Variants in LMX1B observed in about 807,000 individuals in gnomAD.
LMX1B encodes the protein LIM homeobox transcription factor 1 beta, also known as LIM homeobox transcription factor 1-beta.
Under a neutral mutation model 51.4 loss-of-function variants are expected in LMX1B, and 12 were observed. The observed-to-expected ratio is 0.23, with a 90% CI of 0.15 to 0.38. The LOEUF (loss-of-function observed/expected upper bound fraction) is 0.38. Among genes scored for constraint, LMX1B ranks in the 10% least tolerant of loss-of-function variants. The probability of loss-of-function intolerance (pLI) is 1.00; values close to 1 mark genes in which losing one functional copy is unlikely to be tolerated. For missense variants in LMX1B, 445 were observed against 571.1 expected, an observed-to-expected ratio of 0.78 and a Z score of 2.25; for synonymous variants, 237 against 235.4, an observed-to-expected ratio of 1.01 and a Z score of -0.06.
chr9:126,667,045 A>T (rs541330292), intron 2 of LMX1B, among the ~76,000 whole-genome samples: 1 of 152,266 alleles, frequency 6.6e-6, no homozygotes, highest in East Asian at 1.9e-4. Flanking sequence ...GCTCATTGTA[A>T]AATAAATTCA....
chr9:126,667,079 T>C (rs1417585213), intron 2 of LMX1B, among the ~76,000 whole-genome samples: 13 of 152,222 alleles, frequency 8.5e-5, no homozygotes, highest in Non-Finnish European at 1.8e-4. Context: ...TCAAACAAAA[T>C]GGGACAGTAT....
At chr9:126,621,176 C>T (rs369788384) in intron 2 of LMX1B, among the ~76,000 whole-genome samples, 2 of 152,200 alleles carry the variant, frequency 1.3e-5, no homozygotes, top group East Asian at 1.9e-4. Flanking sequence ...ATACTCTCAC[C>T]GACATGAGTT....
intron 2 of LMX1B, among the ~76,000 whole-genome samples, chr9:126,652,368 A>G (rs1033632411): frequency 6.6e-6 from 1 of 152,166 alleles, no homozygotes; most frequent in African/African-American, 2.4e-5. Flanking sequence ...TCCCGTTCAA[A>G]GGCAGTCTCC....
At chr9:126,622,101 G>T (rs1650055108) in intron 2 of LMX1B, among the ~76,000 whole-genome samples, 1 of 152,188 alleles carries the variant, frequency 6.6e-6, no homozygotes, top group Non-Finnish European at 1.5e-5. Context: ...GGAGGATGAG[G>T]GGCTGGGGAT....
At position 126,615,319 on chromosome 9, in the gene LMX1B, G is replaced by T. The variant is rs1362534173; in HGVS notation, c.140-64G>T. On this transcript the variant is annotated intron_variant, in intron 1 of 7. Coordinates refer to ENST00000373474, the MANE Select transcript of LMX1B (RefSeq NM_001174147.2). This position sits in a 1 kb window ranked among gnomAD's most constrained non-coding sequence, Gnocchi z 6.0. ...GGGCCGAGGGCTGTGGGCCCGGTGC[G>T]ACCGGGACGCCGGGGCTGGGCCGGG... is the stretch of plus-strand genomic sequence containing the variant. The T allele has an allele frequency of 7.5e-7, 1 of 1,337,740 alleles. No individual in the cohort carries two copies. Among genetic ancestry groups the T allele is most frequent in the South Asian group, 1.6e-5 (1 of 61,838 alleles). 82.9% of individuals were successfully genotyped at this position (1,337,740 alleles called of 1,614,324 possible).
chr9:126,679,179 C>T (rs1486261709), intron 2 of LMX1B, among the ~76,000 whole-genome samples: 1 of 152,212 alleles, frequency 6.6e-6, no homozygotes, highest in Admixed American at 6.5e-5. Flanking sequence ...CTAGTGCCTA[C>T]AGAATAGACA....
At position 126,641,565 on chromosome 9, in the gene LMX1B, A is replaced by T. The variant is rs992229002; in HGVS notation, c.326+25996A>T. On this transcript the variant is annotated intron_variant, in intron 2 of 7. Coordinates refer to ENST00000373474, the MANE Select transcript of LMX1B (RefSeq NM_001174147.2). The surrounding 1 kb of genome is among the most constrained non-coding windows in gnomAD (Gnocchi z 4.1). ...CTGGGCTGGGCTGGGTTAGGCGACC[A>T]CCCCCACCCAGCTGGGTTCCTCCCT... Among the ~76,000 whole-genome samples, 1 of 151,696 alleles carries T rather than the reference A, an allele frequency of 6.6e-6. No homozygotes were observed. Among genetic ancestry groups the T allele is most frequent in the Admixed American group, 6.6e-5 (1 of 15,244 alleles).
At chr9:126,657,691 A>G (rs1305626962) in intron 2 of LMX1B, among the ~76,000 whole-genome samples, 2 of 152,244 alleles carry the variant, frequency 1.3e-5, no homozygotes, top group Admixed American at 6.5e-5. Flanking sequence ...ATCTTGATGC[A>G]TCCATTCATT....
intron 2 of LMX1B, among the ~76,000 whole-genome samples, chr9:126,653,860 G>T (rs1174975789): frequency 6.6e-6 from 1 of 152,020 alleles, no homozygotes; most frequent in East Asian, 1.9e-4. Flanking sequence ...CGTTGTCTTG[G>T]TATCTCTCAT....
At chr9:126,646,309 CACCTACCTATCCATCCATCT>C (rs2118892377) in intron 2 of LMX1B, among the ~76,000 whole-genome samples, 1 of 151,972 alleles carries the variant, frequency 6.6e-6, no homozygotes, top group South Asian at 2.1e-4. Flanking sequence ...CTCATCCAGC[CACCTACCTATCCATCCATCT>C]ACCTACCCAT....
In LMX1B at chr9:126,653,142, C is replaced by CTTT. The variant is rs5900715; in HGVS notation, c.326+37599_326+37601dup. Among the ~76,000 whole-genome samples the CTTT allele has an allele frequency of 6.9e-4, 38 of 55,398 alleles. 3 individuals are homozygous for CTTT. Among genetic ancestry groups the CTTT allele is most frequent in the African/African-American group, 1.9e-3 (27 of 13,864 alleles). The allele number at this position is 55,398 out of a possible 152,430, so 36.3% of individuals were successfully genotyped here. A position where few individuals can be genotyped will look rare whatever the true frequency, so the allele number is the denominator to read the frequency against. Reference sequence around the variant, plus strand: ...TGTTTTGTTTTGTTTCAAGTAGATGCTTTTTTTTTTTTTTTTTTTTTTTTT... The same window carrying CTTT: ...TGTTTTGTTTTGTTTCAAGTAGATGCTTTTTTTTTTTTTTTTTTTTTTTTTTTT... On this transcript the variant is annotated intron_variant, in intron 2 of 7. Transcript: ENST00000373474.
chr9:126,616,842 A>G (rs1835311698), intron 2 of LMX1B, among the ~76,000 whole-genome samples: 5 of 152,224 alleles, frequency 3.3e-5, no homozygotes, highest in Admixed American at 3.3e-4. Context: ...TTCTACCCCA[A>G]AAGGCTCTGG....
At chr9:126,647,705 T>C (rs1831546754) in intron 2 of LMX1B, among the ~76,000 whole-genome samples, 1 of 152,254 alleles carries the variant, frequency 6.6e-6, no homozygotes, top group Non-Finnish European at 1.5e-5. Flanking sequence ...TGATGGCTCC[T>C]GCACAGGGCA....
At chr9:126,662,618 T>C (rs890979645) in intron 2 of LMX1B, among the ~76,000 whole-genome samples, 8 of 152,058 alleles carry the variant, frequency 5.3e-5, no homozygotes, top group African/African-American at 1.9e-4. Flanking sequence ...GCTCCCAGGG[T>C]GGGCACAGGG....
chr9:126,644,532 T>C (rs1170086089), intron 2 of LMX1B, among the ~76,000 whole-genome samples: 1 of 152,140 alleles, frequency 6.6e-6, no homozygotes, highest in Non-Finnish European at 1.5e-5. Flanking sequence ...GATCAATTGT[T>C]CCCTAGTCTA....
intron 7 of LMX1B, 103 bp downstream of exon 7, chr9:126,696,106 A>C: frequency 8.1e-7 from 1 of 1,240,762 alleles, no homozygotes; most frequent in Non-Finnish European, 1.1e-6. Context: ...CCTAGGGCTC[A>C]GGCAGCATGG....
Position 126,690,821 on chromosome 9 carries a change from T to C in LMX1B, c.327-15T>C. On this transcript the variant is annotated splice_polypyrimidine_tract_variant and intron_variant, in intron 2 of 7. Transcript: ENST00000373474. The stretch of plus-strand genomic sequence containing the variant: ...TTCTGAGCACCGCCAACACGCCCGC[T>C]TTGTGCATCCGCAGGCTCTTCGCGG... 2 of 1,597,194 alleles carry C rather than the reference T, an allele frequency of 1.3e-6. No homozygotes were observed. Among genetic ancestry groups the C allele is most frequent in the Non-Finnish European group, 1.7e-6 (2 of 1,174,566 alleles).
chr9:126,690,399 T>C (rs528225994), intron 2 of LMX1B, among the ~76,000 whole-genome samples: 1 of 151,792 alleles, frequency 6.6e-6, no homozygotes, highest in Non-Finnish European at 1.5e-5. Flanking sequence ...GGCTGGGCAG[T>C]GGGTTGGGCA....
intron 2 of LMX1B, among the ~76,000 whole-genome samples, chr9:126,620,610 C>G (rs188423077): frequency 1.8e-4 from 27 of 152,036 alleles, no homozygotes; most frequent in African/African-American, 6.3e-4. Flanking sequence ...TGGGGGCAGA[C>G]GGGTGTGCTG....
Sources: gnomAD v4.1 joint callset for allele counts (sites outside exome capture counted in the v4.1 genomes callset) on GRCh38, gnomAD v4.1.1 for gene constraint, Gnocchi (gnomAD v3.1) non-coding constraint, MANE v1.5 for transcripts, NCBI Gene and HGNC (gene_info 2026-07-23, HGNC 2026-07-21) for gene names.